Variants in TTC28 observed in about 807,000 individuals in gnomAD.
The protein encoded by TTC28 is tetratricopeptide repeat protein 28.
Under a neutral mutation model 198.0 loss-of-function variants are expected in TTC28, and 61 were observed. The ratio of observed to expected loss-of-function variants is 0.31; its 90% confidence interval spans 0.25 to 0.38. The LOEUF (loss-of-function observed/expected upper bound fraction) is 0.38, where lower values mean the gene tolerates loss of function less well. Among genes scored for constraint, TTC28 ranks in the 10% least tolerant of loss-of-function variants. The pLI, the probability that TTC28 is intolerant of heterozygous loss-of-function variation, is 1.00. For missense variants in TTC28, 2,678 were observed against 3,164.0 expected (o/e 0.85, Z 3.69); for synonymous variants, 1,171 against 1,297.8 (o/e 0.90, Z 2.10).
intron 13 of TTC28, among the ~76,000 whole-genome samples, chr22:28,018,244 A>AGTGTGCGTGT (rs1938445797): frequency 8.7e-6 from 1 of 114,904 alleles, no homozygotes; most frequent in African/African-American, 3.5e-5. Context: ...GCTGCTATTC[A>AGTGTGCGTGT]GTGTGTGTGT....
chr22:28,176,228 A>G (rs906572582), intron 5 of TTC28, among the ~76,000 whole-genome samples: 1 of 152,242 alleles, frequency 6.6e-6, no homozygotes, highest in Admixed American at 6.5e-5. Context: ...ATATGATTCA[A>G]TAATAAGAAG....
At chr22:28,051,802 T>TG (rs1428722380) in intron 12 of TTC28, among the ~76,000 whole-genome samples, 1 of 152,168 alleles carries the variant, frequency 6.6e-6, no homozygotes, top group African/African-American at 2.4e-5. Context: ...CTCCATGGCT[T>TG]CGAAGCCATG....
chr22:28,205,035 T>C (rs971712397), intron 5 of TTC28, among the ~76,000 whole-genome samples: 1 of 152,146 alleles, frequency 6.6e-6, no homozygotes, highest in African/African-American at 2.4e-5. Context: ...CAGAGGAGCA[T>C]ACAACCAACT....
intron 2 of TTC28, among the ~76,000 whole-genome samples, chr22:28,532,326 G>C (rs187902790): frequency 1.8e-4 from 27 of 152,156 alleles, no homozygotes; most frequent in Non-Finnish European, 1.5e-5. Flanking sequence ...ATAAATTCCT[G>C]GACACATACA....
intron 12 of TTC28, among the ~76,000 whole-genome samples, chr22:28,082,535 T>C (rs1941405864): frequency 6.6e-6 from 1 of 152,246 alleles, no homozygotes; most frequent in African/African-American, 2.4e-5. Flanking sequence ...ATTCTGTTAA[T>C]GTGGTGTATT....
chr22:28,674,373 A>T (rs577005637), intron 1 of TTC28, among the ~76,000 whole-genome samples: 1 of 148,524 alleles, frequency 6.7e-6, no homozygotes, highest in Non-Finnish European at 1.5e-5. Context: ...AACTGGAATT[A>T]ATTAGCAGAA....
At chr22:28,402,391 T>A (rs974852659) in intron 2 of TTC28, among the ~76,000 whole-genome samples, 1 of 152,218 alleles carries the variant, frequency 6.6e-6, no homozygotes, top group African/African-American at 2.4e-5. Flanking sequence ...ATGCAATAAA[T>A]AAGACCTATT....
chr22:28,624,996 A>T (rs1569067726), intron 2 of TTC28, among the ~76,000 whole-genome samples: 1 of 152,186 alleles, frequency 6.6e-6, no homozygotes, highest in Non-Finnish European at 1.5e-5. Flanking sequence ...CTAGCTAAAA[A>T]AATTATAATT....
chr22:28,401,919 C>T (rs1431015895), intron 2 of TTC28, among the ~76,000 whole-genome samples: 3 of 152,152 alleles, frequency 2.0e-5, no homozygotes, highest in African/African-American at 7.2e-5. Context: ...TTCACAACTG[C>T]TATGTTTCAG....
chr22:28,166,758 A>G (rs892048437), intron 5 of TTC28, among the ~76,000 whole-genome samples: 12 of 152,324 alleles, frequency 7.9e-5, no homozygotes, highest in African/African-American at 2.6e-4. Flanking sequence ...TCACAATTAG[A>G]AGAACTAGAG....
chr22:28,030,673 G>A (rs1467949447), intron 12 of TTC28, among the ~76,000 whole-genome samples: 1 of 152,236 alleles, frequency 6.6e-6, no homozygotes, highest in Non-Finnish European at 1.5e-5. Flanking sequence ...CCTAGCTTAT[G>A]TATGACAGAC....
intron 5 of TTC28, among the ~76,000 whole-genome samples, chr22:28,275,196 C>T (rs891529835): frequency 1.3e-5 from 2 of 152,136 alleles, no homozygotes; most frequent in Non-Finnish European, 2.9e-5. Context: ...AGAAATTTTA[C>T]ACTTCTAAAA....
At chr22:28,575,547 ATGTGAT>A (rs1216324134) in intron 2 of TTC28, among the ~76,000 whole-genome samples, 1 of 152,168 alleles carries the variant, frequency 6.6e-6, no homozygotes, top group Non-Finnish European at 1.5e-5. Flanking sequence ...TCTGTGAAGA[ATGTGAT>A]TGTTATTTCG....
chr22:28,231,935 C>T (rs1928836387), intron 5 of TTC28, among the ~76,000 whole-genome samples: 1 of 152,192 alleles, frequency 6.6e-6, no homozygotes, highest in South Asian at 2.1e-4. Flanking sequence ...TAGACTTACA[C>T]ACCTAGGGGC....
At chr22:28,322,397 A>G (rs925794350) in intron 2 of TTC28, among the ~76,000 whole-genome samples, 6 of 152,214 alleles carry the variant, frequency 3.9e-5, no homozygotes, top group Admixed American at 6.5e-5. Flanking sequence ...ATTATCTATT[A>G]TATAGGCTTT....
chr22:28,236,845 A>AAG (rs1236537731), intron 5 of TTC28, among the ~76,000 whole-genome samples: 1 of 152,206 alleles, frequency 6.6e-6, no homozygotes, highest in African/African-American at 2.4e-5. Context: ...AAAACTAATT[A>AAG]AGAAATAGAG....
chr22:28,676,671 T>C (rs1350003578), intron 1 of TTC28, among the ~76,000 whole-genome samples: 2 of 151,720 alleles, frequency 1.3e-5, no homozygotes, highest in Non-Finnish European at 2.9e-5. Flanking sequence ...TTCCTTCCTA[T>C]ATATGCATAT....
intron 21 of TTC28, 116 bp downstream of exon 21, chr22:27,989,762 A>C: frequency 7.4e-7 from 1 of 1,347,104 alleles, no homozygotes; most frequent in African/African-American, 1.5e-5. Context: ...TAACTGTTTT[A>C]AGATAATATT....
At position 27,996,205 on chromosome 22, in the gene TTC28, C is replaced by G. The variant is rs536478624; in HGVS notation, c.5174G>C (p.Gly1725Ala). ...CTGCAGGATCTCTGTGAGGGCCTGG[C>G]CGATGAGTGATGAGGGGCTGTTCAG... Reference protein sequence around the residue: ...VKLNSPSSLIGQALTEILQHP... With the variant: ...VKLNSPSSLIAQALTEILQHP... Residue 1725 changes from glycine (G) to alanine (A), a missense_variant, in exon 17 of 23, where the codon GGC becomes GCC. Physicochemically the swap from Gly to Ala is moderately conservative, Grantham distance 60 (BLOSUM62 0). Transcript: ENST00000397906. 145 of 1,551,232 alleles carry G rather than the reference C, an allele frequency of 9.3e-5. 1 individual carries two copies. Among genetic ancestry groups the G allele is most frequent in the Non-Finnish European group, 2.5e-5 (29 of 1,147,004 alleles).
Sources: allele counts gnomAD v4.1 joint callset (sites outside exome capture counted in the v4.1 genomes callset), GRCh38; gene constraint gnomAD v4.1.1; transcripts MANE v1.5; gene names NCBI Gene and HGNC (gene_info 2026-07-23, HGNC 2026-07-21).